Variants in IMMP2L observed in about 807,000 individuals in gnomAD.
The protein encoded by IMMP2L is inner mitochondrial membrane peptidase subunit 2, also known as mitochondrial inner membrane protease subunit 2.
IMMP2L carries 18 observed loss-of-function variants against 19.3 expected under a neutral mutation model. The ratio of observed to expected loss-of-function variants is 0.93; its 90% CI spans 0.64 to 1.38. IMMP2L has a LOEUF of 1.38. Ranked by LOEUF, IMMP2L falls within the 40% of genes most tolerant of loss-of-function variation. The pLI, the probability that IMMP2L is intolerant of heterozygous loss-of-function variation, is 0.00. For synonymous variants in IMMP2L, 76 were observed against 73.0 expected (o/e 1.04, Z -0.21); for missense variants, 233 against 218.2 (o/e 1.07, Z -0.43).
At chr7:111,355,429 A>C (rs911845542) in intron 3 of IMMP2L, among the ~76,000 whole-genome samples, 1 of 151,766 alleles carries the variant, frequency 6.6e-6, no homozygotes, top group Non-Finnish European at 1.5e-5. Flanking sequence ...AAACTTCTTC[A>C]ATGTAAATTG....
At chr7:110,702,654 T>G (rs1794360960) in intron 5 of IMMP2L, among the ~76,000 whole-genome samples, 1 of 152,166 alleles carries the variant, frequency 6.6e-6, no homozygotes, top group African/African-American at 2.4e-5. Context: ...CATCCCTTAG[T>G]TTTTCAAGGT....
chr7:110,736,949 T>C (rs576270479), intron 5 of IMMP2L, among the ~76,000 whole-genome samples: 1 of 152,238 alleles, frequency 6.6e-6, no homozygotes, highest in African/African-American at 2.4e-5. Context: ...TATTCGTATG[T>C]GAGAAGGTCA....
chr7:111,265,790 G>C (rs1055327233), intron 3 of IMMP2L, among the ~76,000 whole-genome samples: 2 of 152,112 alleles, frequency 1.3e-5, no homozygotes, highest in African/African-American at 4.8e-5. Context: ...CTAAAAATAT[G>C]AGAAAGAAAG....
chr7:111,538,946 C>T (rs1303751967), intron 1 of IMMP2L, among the ~76,000 whole-genome samples: 1 of 150,562 alleles, frequency 6.6e-6, no homozygotes, highest in African/African-American at 2.4e-5. Context: ...ATGGTGAAAC[C>T]CCGTCTCTAC....
Position 111,174,194 on chromosome 7 carries a change from G to C in IMMP2L, c.240-210629C>G, listed in dbSNP as rs148603920. 5.3e-3 allele frequency among the ~76,000 whole-genome samples: 808 copies of C among 151,764 alleles called. 14 individuals are homozygous for C. Among genetic ancestry groups the C allele is most frequent in the African/African-American group, 0.019 (773 of 41,486 alleles). ...TCAGTGAACTGGCTATAACCACAGA[G>C]ACTTTTACTATTTCACAACTGAACA... On this transcript the variant is annotated intron_variant, in intron 3 of 5. Coordinates refer to ENST00000405709, the MANE Select transcript of IMMP2L (RefSeq NM_032549.4).
chr7:111,165,510 A>C (rs1805722061), intron 3 of IMMP2L, among the ~76,000 whole-genome samples: 1 of 151,980 alleles, frequency 6.6e-6, no homozygotes, highest in South Asian at 2.1e-4. Context: ...TATTTTCCAC[A>C]GTGGCTATTT....
intron 5 of IMMP2L, among the ~76,000 whole-genome samples, chr7:110,872,633 A>T (rs1219761636): frequency 6.6e-6 from 1 of 152,138 alleles, no homozygotes; most frequent in Admixed American, 6.6e-5. Flanking sequence ...GACAACCACA[A>T]TATTCCAGCC....
At chr7:111,045,794 G>C (rs1000764626) in intron 3 of IMMP2L, among the ~76,000 whole-genome samples, 3 of 152,166 alleles carry the variant, frequency 2.0e-5, no homozygotes, top group Admixed American at 6.5e-5. Flanking sequence ...TTTTAGCCTA[G>C]TGAAACACAT....
At chr7:111,553,380 A>G (rs547237014) in intron 1 of IMMP2L, among the ~76,000 whole-genome samples, 2 of 152,152 alleles carry the variant, frequency 1.3e-5, no homozygotes, top group African/African-American at 2.4e-5. Flanking sequence ...CAAGCTTCCT[A>G]CAGTACAGAG....
intron 1 of IMMP2L, among the ~76,000 whole-genome samples, chr7:111,530,549 AT>A (rs1317853305): frequency 6.6e-6 from 1 of 152,092 alleles, no homozygotes; most frequent in East Asian, 1.9e-4. Flanking sequence ...GTGTCTTGAG[AT>A]TTTTTTAAAA....
At chr7:110,991,521 T>C (rs1245198530) in intron 3 of IMMP2L, among the ~76,000 whole-genome samples, 5 of 152,094 alleles carry the variant, frequency 3.3e-5, no homozygotes, top group African/African-American at 1.2e-4. Context: ...TTAAAAACCC[T>C]CATTTCAGGC....
At chr7:111,145,443 GAATT>G (rs1294335887) in intron 3 of IMMP2L, among the ~76,000 whole-genome samples, 2 of 152,078 alleles carry the variant, frequency 1.3e-5, no homozygotes, top group African/African-American at 4.8e-5. Flanking sequence ...CTATTAGGAA[GAATT>G]AATTATCGGA....
rs139225464 is a variant in IMMP2L at position 110,728,374 on chromosome 7, C to T, written c.409-64653G>A. On this transcript the variant is annotated intron_variant, in intron 5 of 5. Coordinates refer to ENST00000405709, the MANE Select transcript of IMMP2L (RefSeq NM_032549.4). This position sits in a 1 kb window ranked among gnomAD's most constrained non-coding sequence, Gnocchi z 4.6. ...ATTAGCTGGGCATAGTGGTGTGTGC[C>T]TGTAAACCCAGCTACTCGGGAGGCT... is the stretch of plus-strand genomic sequence containing the variant. 1.3e-5 allele frequency among the ~76,000 whole-genome samples: 2 copies of T among 152,076 alleles called. No homozygotes were observed. The highest frequency in any genetic ancestry group is 1.9e-4 in the East Asian group (1 of 5,150).
At chr7:111,390,306 C>T (rs913495441) in intron 3 of IMMP2L, among the ~76,000 whole-genome samples, 1 of 152,124 alleles carries the variant, frequency 6.6e-6, no homozygotes, top group Non-Finnish European at 1.5e-5. Context: ...CACAGTTTGG[C>T]TTCCTCCCCT....
At chr7:110,801,239 T>C (rs1801217336) in intron 5 of IMMP2L, among the ~76,000 whole-genome samples, 1 of 152,122 alleles carries the variant, frequency 6.6e-6, no homozygotes, top group Non-Finnish European at 1.5e-5. Flanking sequence ...ATCTGTTATT[T>C]ACTTAGCTGC....
intron 5 of IMMP2L, among the ~76,000 whole-genome samples, chr7:110,765,181 G>A (rs1358072614): frequency 1.3e-5 from 2 of 152,222 alleles, no homozygotes; most frequent in East Asian, 3.9e-4. Flanking sequence ...CTATGTAAAA[G>A]CAGGTAGGAT....
chr7:110,929,215 A>C (rs1001271225), intron 4 of IMMP2L, among the ~76,000 whole-genome samples: 1 of 152,180 alleles, frequency 6.6e-6, no homozygotes, highest in Non-Finnish European at 1.5e-5. Flanking sequence ...GTAGGACAAA[A>C]TCTTGGGAAT....
At chr7:111,341,606 A>G (rs1827016048) in intron 3 of IMMP2L, among the ~76,000 whole-genome samples, 1 of 152,200 alleles carries the variant, frequency 6.6e-6, no homozygotes, top group Admixed American at 6.6e-5. Flanking sequence ...AAATCTTTAT[A>G]AATAATTAGC....
chr7:111,109,234 A>T (rs993151243), intron 3 of IMMP2L, among the ~76,000 whole-genome samples: 2 of 152,124 alleles, frequency 1.3e-5, no homozygotes, highest in African/African-American at 4.8e-5. Context: ...TACATGATAA[A>T]CCATTAACTT....
Sources: allele counts gnomAD v4.1 joint callset (sites outside exome capture counted in the v4.1 genomes callset), GRCh38; gene constraint gnomAD v4.1.1; non-coding constraint Gnocchi (gnomAD v3.1); transcripts MANE v1.5; gene names NCBI Gene and HGNC (gene_info 2026-07-23, HGNC 2026-07-21).